CMTM8: variants seen among roughly 807,000 people sequenced by gnomAD.
CMTM8 encodes the protein CKLF-like MARVEL transmembrane domain-containing protein 8.
CMTM8 carries 12 observed loss-of-function variants against 18.6 expected under a neutral mutation model. The observed-to-expected ratio is 0.65, with a 90% confidence interval of 0.41 to 1.05. The LOEUF (loss-of-function observed/expected upper bound fraction) is 1.05, where lower values mean the gene tolerates loss of function less well. CMTM8 is among the 50% of genes least tolerant of loss of function. The pLI is 0.00. For synonymous variants in CMTM8, 87 were observed against 90.6 expected, an observed-to-expected ratio of 0.96 and a Z score of 0.23; for missense variants, 217 against 227.2, an observed-to-expected ratio of 0.95 and a Z score of 0.29.
At chr3:32,273,870 A>G (rs1702478333) in intron 1 of CMTM8, among the ~76,000 whole-genome samples, 1 of 152,176 alleles carries the variant, frequency 6.6e-6, no homozygotes, top group African/African-American at 2.4e-5. Context: ...GTTTTAAAAA[A>G]AGCTGGAAGC....
At chr3:32,357,594 T>C in intron 2 of CMTM8, 48 bp downstream of exon 2, 1 of 1,568,868 alleles carries the variant, frequency 6.4e-7, no homozygotes, top group Non-Finnish European at 8.7e-7. Context: ...ACTCGGTAGA[T>C]GGCATTAGTC....
At position 32,239,031 on chromosome 3, in the gene CMTM8, CAG is replaced by C. The variant is rs779757564; in HGVS notation, c.63_64del (p.Asn22LeufsTer41). ...GTCACCACCACCGCCAGCTCCTTCG[CAG>C]AGAACTTCTCCACCAGCAGCAGCAG... On this transcript the variant is annotated frameshift_variant, in exon 1 of 4. Coordinates refer to ENST00000307526, the MANE Select transcript of CMTM8 (RefSeq NM_178868.5). LOFTEE classifies it high-confidence loss of function. 6.3e-7 allele frequency: 1 copy of C among 1,579,274 alleles called. No individual in the cohort carries two copies. The highest frequency in any genetic ancestry group is 1.4e-5 in the African/African-American group (1 of 73,894).
In CMTM8 at chr3:32,357,523, C is replaced by G; in HGVS notation, c.298C>G (p.Pro100Ala). 1 of 1,614,022 alleles carries G rather than the reference C, an allele frequency of 6.2e-7. No individual in the cohort carries two copies. Among genetic ancestry groups the G allele is most frequent in the Non-Finnish European group, 8.5e-7 (1 of 1,179,978 alleles). The change falls in exon 2 of 4, where the codon CCC (proline) becomes GCC (alanine). Residue 100 changes from proline to alanine, a missense_variant. Pro to Ala is a conservative substitution (Grantham distance 27). Coordinates refer to ENST00000307526, the MANE Select transcript of CMTM8 (RefSeq NM_178868.5). ...IYITMTYTRI[P>A]QVPWTTVGLC... is the part of the protein sequence containing the mutation. The stretch of plus-strand genomic sequence containing the variant: ...CATAACAATGACCTACACCAGGATT[C>G]CCCAGGTGCCCTGGACAACAGTGGT...
Position 32,268,519 on chromosome 3 carries a change from A to G in CMTM8, c.147+29400A>G, listed in dbSNP as rs549945157. On this transcript the variant is annotated intron_variant, in intron 1 of 3. Transcript: ENST00000307526. ...AATGATGAGTTAATGGATGCAGCACACCAACATGGCACATGTATACATATG... is the reference window on the plus strand; with the variant it reads ...AATGATGAGTTAATGGATGCAGCACGCCAACATGGCACATGTATACATATG... Among the ~76,000 whole-genome samples, 102 of 151,976 alleles carry G rather than the reference A, an allele frequency of 6.7e-4. No homozygotes were observed. The Middle Eastern group carries it at 0.01, about 15-fold the overall frequency.
intron 1 of CMTM8, among the ~76,000 whole-genome samples, chr3:32,340,527 AT>A (rs1379635314): frequency 6.6e-6 from 1 of 152,278 alleles, no homozygotes; most frequent in African/African-American, 2.4e-5. Context: ...TAACAAAAAC[AT>A]CAGTACACAT....
intron 1 of CMTM8, among the ~76,000 whole-genome samples, chr3:32,275,055 A>G (rs1702494650): frequency 6.6e-6 from 1 of 152,116 alleles, no homozygotes; most frequent in African/African-American, 2.4e-5. Context: ...CCTGGCTTGA[A>G]TGCAGTGGTG....
chr3:32,318,847 A>T (rs907032671), intron 1 of CMTM8, among the ~76,000 whole-genome samples: 2 of 151,062 alleles, frequency 1.3e-5, no homozygotes, highest in South Asian at 4.2e-4. Context: ...GATTACAGGC[A>T]TGAGCCACCG....
At chr3:32,369,154 CAA>C (rs34801738) in intron 3 of CMTM8, among the ~76,000 whole-genome samples, 1 of 148,832 alleles carries the variant, frequency 6.7e-6, no homozygotes, top group Non-Finnish European at 1.5e-5. Context: ...ACTAAAAATA[CAA>C]AAAAAAAATG....
At chr3:32,268,816 C>T (rs1382826852) in intron 1 of CMTM8, among the ~76,000 whole-genome samples, 1 of 152,140 alleles carries the variant, frequency 6.6e-6, no homozygotes, top group Non-Finnish European at 1.5e-5. Context: ...GTTTAATGAC[C>T]TGTGTTGGAA....
rs532757774 is a variant in CMTM8 at position 32,290,903 on chromosome 3, G to A, written c.147+51784G>A. ...TAGTGTGAAATGGTCGAAGAATTAC[G>A]AGGCTGGCTCATTTTTGTATTTTTT... On this transcript the variant is annotated intron_variant, in intron 1 of 3. Coordinates refer to ENST00000307526, the MANE Select transcript of CMTM8 (RefSeq NM_178868.5). Among the ~76,000 whole-genome samples the A allele has an allele frequency of 3.3e-5, 5 of 152,246 alleles. No homozygotes were observed. In the South Asian group the frequency reaches 1.0e-3, roughly 32 times the overall value.
At chr3:32,312,627 A>G (rs988591043) in intron 1 of CMTM8, among the ~76,000 whole-genome samples, 12 of 152,036 alleles carry the variant, frequency 7.9e-5, no homozygotes, top group African/African-American at 2.4e-4. Flanking sequence ...TGAGGTTCTT[A>G]TGGAGGCTGC....
At chr3:32,367,809 TG>T (rs913173332) in intron 2 of CMTM8, 62 bp from the exon 3 acceptor site, 74 of 1,120,324 alleles carry the variant, frequency 6.6e-5, no homozygotes, top group Non-Finnish European at 7.6e-5. Context: ...TCATCACTTC[TG>T]AAGTCCAGAG....
At chr3:32,273,770 A>G (rs1307019298) in intron 1 of CMTM8, among the ~76,000 whole-genome samples, 1 of 152,184 alleles carries the variant, frequency 6.6e-6, no homozygotes, top group Non-Finnish European at 1.5e-5. Context: ...TAGTTGTGGT[A>G]GTTACATACC....
intron 1 of CMTM8, among the ~76,000 whole-genome samples, chr3:32,294,523 C>T (rs1184613492): frequency 2.0e-5 from 3 of 152,176 alleles, no homozygotes; most frequent in African/African-American, 2.4e-5. Flanking sequence ...TTTTGAATTC[C>T]AGCCTTACCA....
At position 32,270,521 on chromosome 3, in the gene CMTM8, C is replaced by G. The variant is rs545515990; in HGVS notation, c.147+31402C>G. ...TTAAGAAAATGTGGCACATAGACACCGTGGAATACTATGCAGCCATAAAAA... is the reference window on the plus strand; with the variant it reads ...TTAAGAAAATGTGGCACATAGACACGGTGGAATACTATGCAGCCATAAAAA... On this transcript the variant is annotated intron_variant, in intron 1 of 3. Coordinates refer to ENST00000307526, the MANE Select transcript of CMTM8 (RefSeq NM_178868.5). 5.2e-4 allele frequency among the ~76,000 whole-genome samples: 79 copies of G among 152,114 alleles called. 1 individual carries two copies.
intron 1 of CMTM8, among the ~76,000 whole-genome samples, chr3:32,277,923 T>A (rs918632164): frequency 6.6e-6 from 1 of 152,220 alleles, no homozygotes; most frequent in Non-Finnish European, 1.5e-5. Flanking sequence ...TTGACTGTTG[T>A]GACAAAGACC....
Position 32,288,994 on chromosome 3 carries a change from T to C in CMTM8, c.147+49875T>C, listed in dbSNP as rs150127878. Among the ~76,000 whole-genome samples, 1,086 of 152,314 alleles carry C rather than the reference T, an allele frequency of 7.1e-3. 22 individuals carry two copies. The highest frequency in any genetic ancestry group is 0.025 in the African/African-American group (1,035 of 41,570). On this transcript the variant is annotated intron_variant, in intron 1 of 3. Transcript: ENST00000307526. ...CAAAGCCACCATGTGGTACTTTGTG[T>C]CTTGCAGTTTCTTTTTTACCGGAAG... is the stretch of plus-strand genomic sequence containing the variant.
intron 1 of CMTM8, among the ~76,000 whole-genome samples, chr3:32,242,000 C>G (rs1291110124): frequency 6.6e-6 from 1 of 152,236 alleles, no homozygotes; most frequent in Non-Finnish European, 1.5e-5. Flanking sequence ...CTCTGGGAGC[C>G]TCTGGCCTGG....
intron 1 of CMTM8, among the ~76,000 whole-genome samples, chr3:32,305,642 G>C (rs1199238202): frequency 6.6e-6 from 1 of 152,146 alleles, no homozygotes; most frequent in South Asian, 2.1e-4. Flanking sequence ...ATAAGTAGGA[G>C]CCCCATTTGG....
Sources: gnomAD v4.1 joint callset for allele counts (sites outside exome capture counted in the v4.1 genomes callset) on GRCh38, gnomAD v4.1.1 for gene constraint, MANE v1.5 for transcripts, NCBI Gene and HGNC (gene_info 2026-07-23, HGNC 2026-07-21) for gene names.